The following CEP112 variants were observed in gnomAD, a reference collection of about 807,000 sequenced individuals.
CEP112 encodes centrosomal protein 112, also known as centrosomal protein of 112 kDa.
In CEP112, 127 loss-of-function variants were observed where a neutral mutation model predicts 153.0. The observed-to-expected ratio is 0.83, with a 90% confidence interval of 0.72 to 0.96. CEP112 has a LOEUF of 0.96. CEP112 is among the 40% of genes least tolerant of loss of function. CEP112 has a pLI of 0.00. For synonymous variants in CEP112, 358 were observed against 374.4 expected (o/e 0.96, Z 0.51); for missense variants, 1,089 against 1,101.2 (o/e 0.99, Z 0.16).
intron 8 of CEP112, among the ~76,000 whole-genome samples, chr17:66,092,118 C>T (rs1007348922): frequency 6.6e-6 from 1 of 151,106 alleles, no homozygotes; most frequent in Non-Finnish European, 1.5e-5. Flanking sequence ...CTTCTCACTG[C>T]AACCCCCACC....
chr17:65,924,386 T>C (rs548395716), intron 19 of CEP112, among the ~76,000 whole-genome samples: 2 of 152,326 alleles, frequency 1.3e-5, no homozygotes, highest in Non-Finnish European at 2.9e-5. Flanking sequence ...TAAGTATTTC[T>C]ATAGGATAGG....
intron 23 of CEP112, among the ~76,000 whole-genome samples, chr17:65,702,333 C>A (rs969968824): frequency 6.6e-6 from 1 of 152,178 alleles, no homozygotes; most frequent in Non-Finnish European, 1.5e-5. Context: ...GTTAAAATTT[C>A]TTCCCTGGCT....
intron 22 of CEP112, among the ~76,000 whole-genome samples, chr17:65,745,676 G>C (rs186006220): frequency 6.6e-6 from 1 of 152,158 alleles, no homozygotes; most frequent in African/African-American, 2.4e-5. Flanking sequence ...GACAGAGAGA[G>C]GGTGCGTGTG....
At chr17:65,702,371 GTATC>G (rs759251970) in intron 23 of CEP112, among the ~76,000 whole-genome samples, 13 of 152,132 alleles carry the variant, frequency 8.5e-5, no homozygotes, top group Non-Finnish European at 1.8e-4. Flanking sequence ...CTAGCTTCAT[GTATC>G]TATCTGGACT....
intron 23 of CEP112, among the ~76,000 whole-genome samples, chr17:65,725,116 G>T (rs1266247358): frequency 6.6e-6 from 1 of 152,272 alleles, no homozygotes; most frequent in African/African-American, 2.4e-5. Flanking sequence ...TATCAAGGAT[G>T]TCTGAATCTT....
intron 21 of CEP112, among the ~76,000 whole-genome samples, chr17:65,801,248 G>A (rs183642234): frequency 7.6e-4 from 115 of 152,078 alleles, no homozygotes; most frequent in African/African-American, 2.7e-3. Context: ...TTGTAGAGAC[G>A]GGGTTTCACC....
intron 6 of CEP112, among the ~76,000 whole-genome samples, chr17:66,112,534 G>GA (rs74212132): frequency 1.3e-5 from 2 of 152,134 alleles, no homozygotes; most frequent in African/African-American, 4.8e-5. Flanking sequence ...TTCAAGATGT[G>GA]AAACACTACT....
chr17:65,670,356 G>T, intron 24 of CEP112, among the ~76,000 whole-genome samples: 2 of 149,742 alleles, frequency 1.3e-5, no homozygotes, highest in Admixed American at 6.6e-5. Context: ...TTATAACTCA[G>T]TTGTAACTAA....
chr17:65,818,883 G>A (rs777673144), intron 21 of CEP112, among the ~76,000 whole-genome samples: 1 of 151,790 alleles, frequency 6.6e-6, no homozygotes, highest in Non-Finnish European at 1.5e-5. Context: ...CACACTAATA[G>A]TCACTCTATT....
intron 1 of CEP112, among the ~76,000 whole-genome samples, chr17:66,187,506 C>T (rs776183653): frequency 7.9e-5 from 12 of 152,168 alleles, no homozygotes; most frequent in African/African-American, 1.7e-4. Flanking sequence ...CTGACAACTC[C>T]CTGCTCCTAA....
intron 21 of CEP112, among the ~76,000 whole-genome samples, chr17:65,814,386 G>C (rs1017004755): frequency 2.0e-5 from 3 of 152,140 alleles, no homozygotes; most frequent in Non-Finnish European, 4.4e-5. Flanking sequence ...GTGGATAATG[G>C]AGTGAGTGGT....
rs192860843 is a variant in CEP112, at chr17:66,019,153, C to T, written c.1656+8348G>A. On this transcript the variant is annotated intron_variant, in intron 16 of 26. Coordinates refer to ENST00000535342, the MANE Select transcript of CEP112 (RefSeq NM_001199165.4). ...ACAGCATCTGATGCTGTTTCTTTTA[C>T]CTCAAAGACAAGTTAGAATCCTATG... is the stretch of plus-strand genomic sequence containing the variant. Among the ~76,000 whole-genome samples the T allele has an allele frequency of 8.6e-4, 131 of 152,250 alleles. 3 individuals carry two copies. The South Asian group carries it at 8.7e-3, about 10-fold the overall frequency.
rs1003411925 is a variant in CEP112 at position 65,650,743 on chromosome 17, A to T, written c.2698-9678T>A. Among the ~76,000 whole-genome samples the T allele has an allele frequency of 1.1e-4, 17 of 149,390 alleles. No homozygotes were observed. The South Asian group carries it at 3.0e-3, about 26-fold the overall frequency. ...AAAACTCTCTACTAAAAAAAAAAAAAAAAAAAAAAAAAAATTAGCTGGGCA... is the reference window on the plus strand; with the variant it reads ...AAAACTCTCTACTAAAAAAAAAAAATAAAAAAAAAAAAAATTAGCTGGGCA... On this transcript the variant is annotated intron_variant, in intron 24 of 26. Coordinates refer to ENST00000535342, the MANE Select transcript of CEP112 (RefSeq NM_001199165.4).
chr17:65,848,425 C>A (rs1198950269), intron 21 of CEP112, among the ~76,000 whole-genome samples: 1 of 152,168 alleles, frequency 6.6e-6, no homozygotes, highest in Non-Finnish European at 1.5e-5. Flanking sequence ...TCCTCTATTT[C>A]CATAAAAATG....
rs111319568 is a variant in CEP112 at position 65,886,847 on chromosome 17, G to A, written c.2163+15305C>T. ...TGCCATAGGGTTCAGAAGAGAAAGG[G>A]TTGCTTAGGGGAAAAAAATGCAGCT... On this transcript the variant is annotated intron_variant, in intron 20 of 26. Transcript: ENST00000535342. 1.4e-4 allele frequency among the ~76,000 whole-genome samples: 22 copies of A among 152,230 alleles called. 2 individuals carry two copies. The highest frequency in any genetic ancestry group is 4.8e-4 in the African/African-American group (20 of 41,536).
intron 23 of CEP112, among the ~76,000 whole-genome samples, chr17:65,738,571 T>C (rs367974744): frequency 1.3e-5 from 2 of 152,178 alleles, no homozygotes; most frequent in East Asian, 3.8e-4. Context: ...TTTACCTTAA[T>C]TCTATGGTGG....
chr17:65,869,090 C>T (rs995635978), intron 20 of CEP112, among the ~76,000 whole-genome samples: 6 of 152,168 alleles, frequency 3.9e-5, no homozygotes, highest in Admixed American at 2.0e-4. Context: ...CCTAGGTCAG[C>T]ACATTTTCTA....
intron 6 of CEP112, among the ~76,000 whole-genome samples, chr17:66,111,226 G>A (rs2069026211): frequency 6.6e-6 from 1 of 152,208 alleles, no homozygotes; most frequent in African/African-American, 2.4e-5. Context: ...TGGCAAGGTT[G>A]TGGAGAAGAG....
chr17:65,889,602 C>T (rs1187697158), intron 20 of CEP112, among the ~76,000 whole-genome samples: 1 of 152,070 alleles, frequency 6.6e-6, no homozygotes, highest in Non-Finnish European at 1.5e-5. Context: ...TTCTAATTCT[C>T]TTTCCCTCCA....
Sources: gnomAD v4.1 joint callset for allele counts (sites outside exome capture counted in the v4.1 genomes callset) on GRCh38, gnomAD v4.1.1 for gene constraint, MANE v1.5 for transcripts, NCBI Gene and HGNC (gene_info 2026-07-23, HGNC 2026-07-21) for gene names.